Variants in EPHA5 observed in about 807,000 individuals in gnomAD.
The protein encoded by EPHA5 is ephrin type-A receptor 5.
EPHA5 carries 60 observed loss-of-function variants against 105.0 expected under a neutral mutation model. The ratio of observed to expected loss-of-function variants is 0.57; its 90% CI spans 0.46 to 0.71. The LOEUF (loss-of-function observed/expected upper bound fraction) is 0.71, where lower values mean the gene tolerates loss of function less well. EPHA5 is among the 30% of genes least tolerant of loss of function. The pLI is 0.00. For synonymous variants in EPHA5, 513 were observed against 449.1 expected (o/e 1.14, Z -1.80); for missense variants, 1,218 against 1,274.7 (o/e 0.96, Z 0.68).
chr4:65,654,254 A>C (rs1560826249), intron 1 of EPHA5, among the ~76,000 whole-genome samples: 4 of 151,400 alleles, frequency 2.6e-5, no homozygotes, highest in African/African-American at 7.3e-5. Flanking sequence ...AAAAAAAAAA[A>C]CAAAACTATT....
intron 8 of EPHA5, among the ~76,000 whole-genome samples, chr4:65,374,619 A>G (rs1300957849): frequency 6.6e-6 from 1 of 151,938 alleles, no homozygotes; most frequent in African/African-American, 2.4e-5. Flanking sequence ...AAGTTATCTC[A>G]GGGTATTTCT....
chr4:65,580,790 C>CTTTTTTTTT (rs373996186), intron 3 of EPHA5, among the ~76,000 whole-genome samples: 1 of 147,026 alleles, frequency 6.8e-6, no homozygotes. Flanking sequence ...ACACAGTTTA[C>CTTTTTTTTT]TTTTTTTTTT....
chr4:65,560,238 A>G (rs4510508), intron 3 of EPHA5, among the ~76,000 whole-genome samples: 3 of 151,970 alleles, frequency 2.0e-5, no homozygotes, highest in Non-Finnish European at 4.4e-5. Context: ...AGATTTTTCA[A>G]ATAAGGAATT....
intron 5 of EPHA5, among the ~76,000 whole-genome samples, chr4:65,482,085 G>C (rs573820736): frequency 1.3e-5 from 2 of 152,196 alleles, no homozygotes; most frequent in South Asian, 4.1e-4. Flanking sequence ...ATCACCTGAG[G>C]TCAGGAGTTT....
chr4:65,431,036 T>G (rs1277975610), intron 5 of EPHA5, among the ~76,000 whole-genome samples: 1 of 152,140 alleles, frequency 6.6e-6, no homozygotes, highest in African/African-American at 2.4e-5. Flanking sequence ...CATGATGCAT[T>G]TATGTAATAG....
chr4:65,449,871 G>A (rs1423575239), intron 5 of EPHA5, among the ~76,000 whole-genome samples: 1 of 151,932 alleles, frequency 6.6e-6, no homozygotes, highest in African/African-American at 2.4e-5. Context: ...TAGGAGGGAG[G>A]CCTGAAACAG....
chr4:65,567,847 AT>A (rs1288714885), intron 3 of EPHA5, among the ~76,000 whole-genome samples: 1 of 151,480 alleles, frequency 6.6e-6, no homozygotes, highest in Non-Finnish European at 1.5e-5. Flanking sequence ...ATTGGCCTAT[AT>A]TGTCAGACTT....
intron 5 of EPHA5, among the ~76,000 whole-genome samples, chr4:65,444,773 A>T (rs1367373743): frequency 6.6e-6 from 1 of 152,098 alleles, no homozygotes; most frequent in Non-Finnish European, 1.5e-5. Context: ...ATTGAAAAAT[A>T]TAAAAAACCT....
intron 5 of EPHA5, among the ~76,000 whole-genome samples, chr4:65,460,082 A>G (rs1727984082): frequency 6.6e-6 from 1 of 151,654 alleles, no homozygotes; most frequent in South Asian, 2.1e-4. Flanking sequence ...TTTCTTTCCA[A>G]TTTGATTTCT....
chr4:65,469,058 C>T lies in EPHA5; in HGVS notation c.1402+21319G>A, dbSNP rs535421369. Among the ~76,000 whole-genome samples the T allele has an allele frequency of 1.2e-4, 19 of 152,046 alleles. No homozygotes were observed. In the South Asian group the frequency reaches 2.9e-3, roughly 23 times the overall value. On this transcript the variant is annotated intron_variant, in intron 5 of 16. Coordinates refer to ENST00000613740, the MANE Select transcript of EPHA5 (RefSeq NM_001281766.3). Reference sequence around the variant, plus strand: ...AAGTCTAGGACTTTTAGCTGATGAACGGAGGAAGAGAAGTTTCCTTTCCTT... The same window carrying T: ...AAGTCTAGGACTTTTAGCTGATGAATGGAGGAAGAGAAGTTTCCTTTCCTT...
intron 5 of EPHA5, among the ~76,000 whole-genome samples, chr4:65,428,968 A>G (rs927437922): frequency 2.0e-5 from 3 of 152,068 alleles, no homozygotes; most frequent in Non-Finnish European, 1.5e-5. Flanking sequence ...TATAATGGCA[A>G]CATGCCTCCT....
chr4:65,500,099 A>T, intron 3 of EPHA5, among the ~76,000 whole-genome samples: 1 of 151,618 alleles, frequency 6.6e-6, no homozygotes, highest in South Asian at 2.1e-4. Flanking sequence ...AATCATGATA[A>T]TATTTAAGAA....
intron 2 of EPHA5, among the ~76,000 whole-genome samples, chr4:65,639,940 T>C (rs1018524733): frequency 1.3e-5 from 2 of 152,232 alleles, no homozygotes; most frequent in African/African-American, 2.4e-5. Context: ...TATCTCTTTA[T>C]TGATACTTTG....
At chr4:65,446,037 T>C (rs1254945097) in intron 5 of EPHA5, among the ~76,000 whole-genome samples, 1 of 152,170 alleles carries the variant, frequency 6.6e-6, no homozygotes, top group Non-Finnish European at 1.5e-5. Context: ...TCTGGCCACA[T>C]AGCTATTAGC....
chr4:65,631,381 C>A (rs914747943), intron 2 of EPHA5, among the ~76,000 whole-genome samples: 1 of 152,084 alleles, frequency 6.6e-6, no homozygotes, highest in African/African-American at 2.4e-5. Context: ...AATAAATTAT[C>A]TACATGCTTT....
intron 7 of EPHA5, among the ~76,000 whole-genome samples, chr4:65,406,718 CA>C (rs1473794505): frequency 6.6e-6 from 1 of 152,074 alleles, no homozygotes; most frequent in East Asian, 1.9e-4. Context: ...AGAATCCTTT[CA>C]TTTTTTTAGA....
At chr4:65,433,506 T>C (rs1479000788) in intron 5 of EPHA5, among the ~76,000 whole-genome samples, 1 of 152,162 alleles carries the variant, frequency 6.6e-6, no homozygotes, top group Non-Finnish European at 1.5e-5. Context: ...ACCCAGAAAC[T>C]CAGATATATT....
intron 3 of EPHA5, among the ~76,000 whole-genome samples, chr4:65,585,438 A>C (rs1742025426): frequency 6.6e-6 from 1 of 151,654 alleles, no homozygotes; most frequent in Non-Finnish European, 1.5e-5. Flanking sequence ...ATTCAATACT[A>C]CTTTGGTGAG....
intron 3 of EPHA5, among the ~76,000 whole-genome samples, chr4:65,563,279 A>G (rs756293707): frequency 3.3e-5 from 5 of 152,042 alleles, no homozygotes; most frequent in Non-Finnish European, 5.9e-5. Context: ...GCTGATGAAA[A>G]CAAAACTGAT....
Sources: allele counts gnomAD v4.1 joint callset (sites outside exome capture counted in the v4.1 genomes callset), GRCh38; gene constraint gnomAD v4.1.1; transcripts MANE v1.5; gene names NCBI Gene and HGNC (gene_info 2026-07-23, HGNC 2026-07-21).